Variants in ANAPC10 observed in about 807,000 individuals in gnomAD.
ANAPC10 encodes the protein anaphase-promoting complex subunit 10.
In ANAPC10, 12 loss-of-function variants were observed where a neutral mutation model predicts 22.0. The observed-to-expected ratio is 0.55, with a 90% confidence interval of 0.35 to 0.88. The LOEUF is 0.88. Ranked by LOEUF, ANAPC10 falls within the 40% of genes least tolerant of loss-of-function variation. ANAPC10 has a pLI of 0.01. For missense variants in ANAPC10, 188 were observed against 220.9 expected (o/e 0.85, Z 0.94); for synonymous variants, 65 against 69.5 (o/e 0.94, Z 0.32).
chr4:145,097,793 G>C (rs1306431560), intron 1 of ANAPC10: 3 of 343,256 alleles, frequency 8.7e-6, no homozygotes, highest in African/African-American at 6.5e-5. Flanking sequence ...CCCATCTTTA[G>C]GGCAGAATTC....
chr4:145,021,597 CT>C (rs1388910115), intron 4 of ANAPC10, among the ~76,000 whole-genome samples: 1 of 152,076 alleles, frequency 6.6e-6, no homozygotes, highest in Admixed American at 6.6e-5. Context: ...TGGAAAAACC[CT>C]TCTAGACATT....
chr4:145,029,598 A>T (rs1225405904), intron 4 of ANAPC10, among the ~76,000 whole-genome samples: 2 of 152,182 alleles, frequency 1.3e-5, no homozygotes, highest in African/African-American at 4.8e-5. Flanking sequence ...TGGGCCCAGT[A>T]AGTAGGGACT....
chr4:145,053,294 AATAG>A (rs1741401571), intron 4 of ANAPC10, among the ~76,000 whole-genome samples: 1 of 152,204 alleles, frequency 6.6e-6, no homozygotes, highest in Non-Finnish European at 1.5e-5. Flanking sequence ...TAAAGATTAA[AATAG>A]ATAGCTAACA....
Position 145,071,488 on chromosome 4 carries a change from T to C in ANAPC10, c.207-6796A>G, listed in dbSNP as rs188431522. 8.5e-5 allele frequency among the ~76,000 whole-genome samples: 13 copies of C among 152,290 alleles called. No homozygotes were observed. The East Asian group carries it at 2.5e-3, about 29-fold the overall frequency. On this transcript the variant is annotated intron_variant, in intron 3 of 4. Transcript: ENST00000507656. ...ACAAATAAAAAAAATCTTTACTGTT[T>C]ATTACTCACCATCTCAACAGAATAT... is the stretch of plus-strand genomic sequence containing the variant.
chr4:145,095,636 A>C (rs1021660931), intron 2 of ANAPC10, among the ~76,000 whole-genome samples: 2 of 152,180 alleles, frequency 1.3e-5, no homozygotes, highest in African/African-American at 2.4e-5. Context: ...TAGACATTTT[A>C]TCTCTCACAT....
intron 4 of ANAPC10, among the ~76,000 whole-genome samples, chr4:145,059,573 C>T (rs1207994435): frequency 6.6e-6 from 1 of 152,110 alleles, no homozygotes; most frequent in African/African-American, 2.4e-5. Flanking sequence ...CAAAGGACAA[C>T]TTTCACATAT....
intron 1 of ANAPC10, among the ~76,000 whole-genome samples, chr4:145,096,371 A>G (rs1380229948): frequency 6.6e-6 from 1 of 152,046 alleles, no homozygotes; most frequent in African/African-American, 2.4e-5. Flanking sequence ...CAGCCTGGAC[A>G]ACATGGCAAG....
At chr4:145,029,064 T>C (rs1737156340) in intron 4 of ANAPC10, among the ~76,000 whole-genome samples, 1 of 152,154 alleles carries the variant, frequency 6.6e-6, no homozygotes, top group Non-Finnish European at 1.5e-5. Context: ...TGTCTACTGT[T>C]AAAGTGAGGG....
chr4:145,075,887 C>A (rs1745126193), intron 3 of ANAPC10, among the ~76,000 whole-genome samples: 1 of 152,142 alleles, frequency 6.6e-6, no homozygotes, highest in South Asian at 2.1e-4. Flanking sequence ...TTGTCATGTA[C>A]CTCTAGGTGG....
At chr4:144,997,097 C>A (rs1731735820) in intron 4 of ANAPC10, among the ~76,000 whole-genome samples, 1 of 151,982 alleles carries the variant, frequency 6.6e-6, no homozygotes, top group Admixed American at 6.6e-5. Context: ...GTGAAAAGAC[C>A]AAATCTACAT....
intron 4 of ANAPC10, among the ~76,000 whole-genome samples, chr4:145,056,076 G>C (rs1468309690): frequency 1.3e-5 from 2 of 152,146 alleles, no homozygotes; most frequent in Non-Finnish European, 2.9e-5. Flanking sequence ...ACTCCATCTT[G>C]AATACGAGCT....
rs1038383762 is a variant in ANAPC10 at position 145,023,063 on chromosome 4, T to C, written c.328-27460A>G. 4.6e-5 allele frequency among the ~76,000 whole-genome samples: 7 copies of C among 152,162 alleles called. No homozygotes were observed. The East Asian group carries it at 5.8e-4, about 13-fold the overall frequency. On this transcript the variant is annotated intron_variant, in intron 4 of 4. Transcript: ENST00000507656. ...ACACACCAATAGTCAAGTGGATAAA[T>C]TGGAGTACATTTACAACATGGAATA...
At chr4:145,051,729 G>A (rs1741133095) in intron 4 of ANAPC10, among the ~76,000 whole-genome samples, 1 of 152,028 alleles carries the variant, frequency 6.6e-6, no homozygotes, top group South Asian at 2.1e-4. Flanking sequence ...ATTGCATACA[G>A]TTATTGTAAA....
chr4:145,088,576 A>G (rs1747223280), intron 2 of ANAPC10, among the ~76,000 whole-genome samples: 1 of 152,126 alleles, frequency 6.6e-6, no homozygotes, highest in South Asian at 2.1e-4. Flanking sequence ...ACCTCTAAAA[A>G]TATATCCCAA....
At chr4:145,071,990 G>A (rs527330338) in intron 3 of ANAPC10, among the ~76,000 whole-genome samples, 1 of 151,672 alleles carries the variant, frequency 6.6e-6, no homozygotes, top group East Asian at 1.9e-4. Flanking sequence ...ATTCAGAAAT[G>A]TGAAAGGACA....
chr4:144,995,613 GAAAA>G lies in ANAPC10; in HGVS notation c.328-14_328-11del. The stretch of plus-strand genomic sequence containing the variant: ...CCACCAACTCAAGTTGCTGCCAAGG[GAAAA>G]AAAATCAGATTATGCTTTTATTCAA... On this transcript the variant is annotated splice_polypyrimidine_tract_variant and intron_variant, in intron 4 of 4. Transcript: ENST00000507656. 1 of 1,564,460 alleles carries G rather than the reference GAAAA, an allele frequency of 6.4e-7. No individual in the cohort carries two copies. The highest frequency in any genetic ancestry group is 1.2e-5 in the South Asian group (1 of 85,340).
chr4:145,096,702 C>T (rs1440934228), intron 1 of ANAPC10, among the ~76,000 whole-genome samples: 1 of 152,002 alleles, frequency 6.6e-6, no homozygotes, highest in Admixed American at 6.6e-5. Flanking sequence ...AATATTGATC[C>T]TCATTTTATT....
intron 3 of ANAPC10, among the ~76,000 whole-genome samples, chr4:145,079,750 C>T (rs574731469): frequency 6.6e-6 from 1 of 152,154 alleles, no homozygotes; most frequent in African/African-American, 2.4e-5. Context: ...AGCTGGAGGC[C>T]GGCATCCTAA....
chr4:145,061,503 G>A (rs1417486173), intron 4 of ANAPC10, among the ~76,000 whole-genome samples: 1 of 152,218 alleles, frequency 6.6e-6, no homozygotes. Context: ...AATAGGCTAC[G>A]AAACTAGAAA....
Sources: allele counts gnomAD v4.1 joint callset (sites outside exome capture counted in the v4.1 genomes callset), GRCh38; gene constraint gnomAD v4.1.1; transcripts MANE v1.5; gene names NCBI Gene and HGNC (gene_info 2026-07-23, HGNC 2026-07-21).